CMSS1: variants seen among roughly 807,000 people sequenced by gnomAD.
CMSS1 encodes the protein protein CMSS1.
A neutral mutation model predicts 43.5 loss-of-function variants in CMSS1; 33 were observed. That is an observed-to-expected ratio of 0.76 (90% CI 0.57 to 1.01). The LOEUF is 1.01. Ranked by LOEUF, CMSS1 falls within the 50% of genes least tolerant of loss-of-function variation. CMSS1 has a pLI of 0.00. For missense variants in CMSS1, 313 were observed against 326.4 expected (o/e 0.96, Z 0.32); for synonymous variants, 115 against 117.2 (o/e 0.98, Z 0.12).
intron 1 of CMSS1, among the ~76,000 whole-genome samples, chr3:99,858,548 A>G (rs1944087160): frequency 6.6e-6 from 1 of 152,242 alleles, no homozygotes; most frequent in Non-Finnish European, 1.5e-5. Flanking sequence ...TATTTTTATG[A>G]AAAAATACTT....
In CMSS1 at chr3:100,138,831, C is replaced by G. The variant is rs192884449; in HGVS notation, c.65-8142C>G. ...CAGAAATACCATTTGACCCAGCAAT[C>G]CCATCACTGGATATCTACCCAAAGG... On this transcript the variant is annotated intron_variant, in intron 1 of 9. Coordinates refer to ENST00000421999, the MANE Select transcript of CMSS1 (RefSeq NM_032359.4). 1.2e-4 allele frequency among the ~76,000 whole-genome samples: 18 copies of G among 152,294 alleles called. No homozygotes were observed. In the East Asian group the frequency reaches 3.1e-3, roughly 26 times the overall value.
rs1234124537 is a variant in CMSS1, at chr3:100,181,489, A to T, written c.*3101A>T. 6.6e-6 allele frequency: 1 copy of T among 152,134 alleles called. No individual in the cohort carries two copies. Among genetic ancestry groups the T allele is most frequent in the African/African-American group, 2.4e-5 (1 of 41,438 alleles). 9.4% of individuals were successfully genotyped at this position (152,134 alleles called of 1,614,324 possible). On this transcript the variant is annotated 3_prime_UTR_variant, in exon 10 of 10. Transcript: ENST00000421999. ...TACAGAGTTTATTTGGATTTCTCCAATTTTTCCACTAATGTCCTTGTTCTA... is the reference window on the plus strand; with the variant it reads ...TACAGAGTTTATTTGGATTTCTCCATTTTTTCCACTAATGTCCTTGTTCTA...
In CMSS1 at chr3:100,118,993, G is replaced by A. The variant is rs114932542; in HGVS notation, c.65-27980G>A. ...GTCGTGTTGTTGTTTTTTTTGTTTCGTTTTTTGTTGACTCTCTGAGCTTCG... is the reference window on the plus strand; with the variant it reads ...GTCGTGTTGTTGTTTTTTTTGTTTCATTTTTTGTTGACTCTCTGAGCTTCG... On this transcript the variant is annotated intron_variant, in intron 1 of 9. Transcript: ENST00000421999. 4.6e-3 allele frequency among the ~76,000 whole-genome samples: 705 copies of A among 152,022 alleles called. 7 individuals carry two copies. The highest frequency in any genetic ancestry group is 0.016 in the African/African-American group (683 of 41,488).
chr3:100,094,426 T>C (rs1377861250), intron 1 of CMSS1, among the ~76,000 whole-genome samples: 2 of 152,192 alleles, frequency 1.3e-5, no homozygotes, highest in Admixed American at 6.5e-5. Context: ...CAAAAGTCTT[T>C]TGTTTTGATA....
chr3:100,064,943 G>A (rs2065638381), intron 1 of CMSS1, among the ~76,000 whole-genome samples: 1 of 152,184 alleles, frequency 6.6e-6, no homozygotes, highest in Non-Finnish European at 1.5e-5. Context: ...CCTATGCAAT[G>A]TATATCTACT....
In CMSS1 at chr3:99,822,956, C is replaced by T. The variant is rs180738603; in HGVS notation, c.64+4913C>T. Among the ~76,000 whole-genome samples, 694 of 152,102 alleles carry T rather than the reference C, an allele frequency of 4.6e-3. 2 individuals carry two copies. Among genetic ancestry groups the T allele is most frequent in the South Asian group, 7.1e-3 (34 of 4,796 alleles). ...ACTTAATACTATTTAATTTAATTCA[C>T]CCAATACTATCTATTTAATTGGTAA... On this transcript the variant is annotated intron_variant, in intron 1 of 9. Transcript: ENST00000421999.
At chr3:100,125,359 A>T (rs2066654868) in intron 1 of CMSS1, among the ~76,000 whole-genome samples, 1 of 152,134 alleles carries the variant, frequency 6.6e-6, no homozygotes, top group South Asian at 2.1e-4. Context: ...AAAAGCAGGA[A>T]ATAATCATTT....
intron 8 of CMSS1, 53 bp from the exon 9 acceptor site, chr3:100,176,274 A>C (rs2067147450): frequency 7.5e-6 from 9 of 1,199,956 alleles, no homozygotes; most frequent in Admixed American, 5.9e-5. Flanking sequence ...TCATTTTAAT[A>C]AGCTTATGTC....
At position 99,983,392 on chromosome 3, in the gene CMSS1, AT is replaced by A. The variant is rs1559713346; in HGVS notation, c.65-163580del. 9.7e-3 allele frequency among the ~76,000 whole-genome samples: 220 copies of A among 22,654 alleles called. 5 individuals are homozygous for A. Among genetic ancestry groups the A allele is most frequent in the Admixed American group, 0.037 (50 of 1,338 alleles). 14.9% of individuals were successfully genotyped at this position (22,654 alleles called of 152,430 possible). On this transcript the variant is annotated intron_variant, in intron 1 of 9. Transcript: ENST00000421999. ...CTACTTAAAAAATAAATAAATAAAT[AT>A]ATATATATATATATATATATATATA... is the stretch of plus-strand genomic sequence containing the variant.
intron 1 of CMSS1, among the ~76,000 whole-genome samples, chr3:100,117,848 T>TAC (rs1410455445): frequency 6.6e-5 from 6 of 91,496 alleles, no homozygotes; most frequent in Non-Finnish European, 1.1e-4. Flanking sequence ...TATATATATA[T>TAC]ATATACATAT....
At chr3:100,044,144 G>T (rs575807309) in intron 1 of CMSS1, among the ~76,000 whole-genome samples, 1 of 152,228 alleles carries the variant, frequency 6.6e-6, no homozygotes, top group Non-Finnish European at 1.5e-5. Context: ...TGAGATTTGG[G>T]TTCAAATCCT....
At chr3:100,143,086 G>A (rs1245766973) in intron 1 of CMSS1, among the ~76,000 whole-genome samples, 2 of 152,206 alleles carry the variant, frequency 1.3e-5, no homozygotes, top group Non-Finnish European at 2.9e-5. Flanking sequence ...GATCCCAGAT[G>A]AAGATGGGTT....
At chr3:99,878,535 CAG>C (rs1462718080) in intron 1 of CMSS1, among the ~76,000 whole-genome samples, 3 of 152,206 alleles carry the variant, frequency 2.0e-5, no homozygotes, top group Non-Finnish European at 4.4e-5. Flanking sequence ...CAGAATCTCT[CAG>C]AGGTATGTTT....
chr3:99,959,220 C>T (rs1438913359), intron 1 of CMSS1, among the ~76,000 whole-genome samples: 2 of 152,208 alleles, frequency 1.3e-5, no homozygotes, highest in Non-Finnish European at 2.9e-5. Flanking sequence ...ACAACTTCAG[C>T]TCACTGCAAC....
intron 1 of CMSS1, among the ~76,000 whole-genome samples, chr3:99,992,287 A>G (rs1346767848): frequency 6.6e-6 from 1 of 152,052 alleles, no homozygotes; most frequent in Non-Finnish European, 1.5e-5. Flanking sequence ...ATTCCCATCA[A>G]CAGTATATAA....
chr3:99,830,880 A>G (rs1354747530), intron 1 of CMSS1, among the ~76,000 whole-genome samples: 1 of 152,236 alleles, frequency 6.6e-6, no homozygotes, highest in Non-Finnish European at 1.5e-5. Flanking sequence ...TAGGACATAT[A>G]CAAGAGTAGT....
intron 1 of CMSS1, among the ~76,000 whole-genome samples, chr3:99,993,371 T>G (rs946512251): frequency 6.6e-6 from 1 of 152,038 alleles, no homozygotes; most frequent in African/African-American, 2.4e-5. Context: ...ATCTAAGAGT[T>G]TTTTGGTGGA....
At chr3:99,978,517 A>G (rs1709032473) in intron 1 of CMSS1, among the ~76,000 whole-genome samples, 1 of 152,242 alleles carries the variant, frequency 6.6e-6, no homozygotes, top group African/African-American at 2.4e-5. Context: ...CATATTGTTA[A>G]GTGAAATAAG....
chr3:100,063,418 A>T (rs1047603370), intron 1 of CMSS1, among the ~76,000 whole-genome samples: 1 of 152,188 alleles, frequency 6.6e-6, no homozygotes, highest in African/African-American at 2.4e-5. Context: ...AATTATTATT[A>T]TAGTATTATT....
Sources: allele counts gnomAD v4.1 joint callset (sites outside exome capture counted in the v4.1 genomes callset), GRCh38; gene constraint gnomAD v4.1.1; transcripts MANE v1.5; gene names NCBI Gene and HGNC (gene_info 2026-07-23, HGNC 2026-07-21).